The following FGD4 variants were observed in gnomAD, a reference collection of about 807,000 sequenced individuals.
FGD4 encodes FYVE, RhoGEF and PH domain-containing protein 4.
A neutral mutation model predicts 102.0 loss-of-function variants in FGD4; 42 were observed. That is an observed-to-expected ratio of 0.41 (90% CI 0.32 to 0.53). FGD4 has a LOEUF of 0.53. Among genes scored for constraint, FGD4 ranks in the 20% least tolerant of loss-of-function variants. FGD4 has a pLI of 0.21. For synonymous variants in FGD4, 380 were observed against 375.7 expected (o/e 1.01, Z -0.13); for missense variants, 902 against 1,078.2 (o/e 0.84, Z 2.29).
intron 1 of FGD4, among the ~76,000 whole-genome samples, chr12:32,484,212 T>A (rs528362546): frequency 7.2e-5 from 11 of 152,334 alleles, no homozygotes; most frequent in African/African-American, 2.4e-4. Context: ...TTTCTAAATG[T>A]CTTAAGACTT....
intron 1 of FGD4, 77 bp downstream of exon 1, chr12:32,400,036 G>C (rs1940582025): frequency 4.8e-5 from 67 of 1,398,546 alleles, no homozygotes; most frequent in Non-Finnish European, 6.2e-5. Flanking sequence ...GCGCCCTGCA[G>C]GTGCGCCCTC....
intron 1 of FGD4, among the ~76,000 whole-genome samples, chr12:32,525,775 C>T (rs567240680): frequency 1.1e-3 from 163 of 152,372 alleles, no homozygotes; most frequent in African/African-American, 2.5e-3. Flanking sequence ...GAGCAGCCAG[C>T]CAGCCCTGCT....
At chr12:32,407,684 A>G (rs1286545344) in intron 1 of FGD4, among the ~76,000 whole-genome samples, 1 of 152,042 alleles carries the variant, frequency 6.6e-6, no homozygotes, top group Non-Finnish European at 1.5e-5. Context: ...GGTCTTTCCT[A>G]CTTTGTTCTT....
intron 10 of FGD4, among the ~76,000 whole-genome samples, chr12:32,616,147 T>C (rs1645816402): frequency 6.6e-6 from 1 of 152,214 alleles, no homozygotes; most frequent in Non-Finnish European, 1.5e-5. Context: ...TCCTTTCTCC[T>C]CTTCCTCATT....
At chr12:32,441,457 G>T (rs567159474) in intron 1 of FGD4, among the ~76,000 whole-genome samples, 1 of 152,114 alleles carries the variant, frequency 6.6e-6, no homozygotes, top group East Asian at 1.9e-4. Context: ...CTAGGGCCTG[G>T]AACAGGGGCC....
chr12:32,633,157 C>A (rs1474141261), intron 14 of FGD4, among the ~76,000 whole-genome samples: 2 of 152,006 alleles, frequency 1.3e-5, no homozygotes, highest in Non-Finnish European at 2.9e-5. Flanking sequence ...TGACACAGGA[C>A]CAGTTGTATG....
intron 11 of FGD4, among the ~76,000 whole-genome samples, chr12:32,620,529 T>C (rs1443957192): frequency 2.2e-5 from 3 of 138,166 alleles, no homozygotes; most frequent in Non-Finnish European, 4.7e-5. Flanking sequence ...TCTTTTTTTT[T>C]TTTTTTTTTT....
chr12:32,546,460 T>A (rs563510279), intron 1 of FGD4, among the ~76,000 whole-genome samples: 19 of 152,370 alleles, frequency 1.2e-4, no homozygotes, highest in African/African-American at 4.6e-4. Flanking sequence ...AGCCCTGTTG[T>A]GACTCGTGGC....
intron 1 of FGD4, among the ~76,000 whole-genome samples, chr12:32,534,925 AT>A (rs1180245822): frequency 3.3e-5 from 5 of 152,234 alleles, no homozygotes; most frequent in Non-Finnish European, 7.3e-5. Flanking sequence ...ACAAACAAAA[AT>A]TCCCACCATC....
In FGD4 at chr12:32,534,418, A is replaced by G. The variant is rs17537634; in HGVS notation, c.167-29719A>G. 0.023 allele frequency: 34,278 copies of G among 1,518,204 alleles called. 641 individuals carry two copies. Among genetic ancestry groups the G allele is most frequent in the South Asian group, 0.073 (5,980 of 82,006 alleles). 94.0% of individuals were successfully genotyped at this position (1,518,204 alleles called of 1,614,324 possible). On this transcript the variant is annotated intron_variant, in intron 1 of 16. Coordinates refer to ENST00000534526, the MANE Select transcript of FGD4 (RefSeq NM_001370298.3). ...GTGAGATTTTATCACATGAACTTTA[A>G]AAGAGTAAAGCCAAATATCTTTTTA...
rs556021098 is a variant in FGD4 at position 32,545,314 on chromosome 12, T to G, written c.167-18823T>G. Among the ~76,000 whole-genome samples the G allele has an allele frequency of 1.1e-3, 162 of 152,298 alleles. 1 individual carries two copies. Among genetic ancestry groups the G allele is most frequent in the African/African-American group, 3.7e-3 (153 of 41,566 alleles). On this transcript the variant is annotated intron_variant, in intron 1 of 16. Coordinates refer to ENST00000534526, the MANE Select transcript of FGD4 (RefSeq NM_001370298.3). Reference sequence around the variant, plus strand: ...ACTGTGTATGGTGCTGCTAATGAGTTCACAGAAACCTAGAGGTTTTTACTT... The same window carrying G: ...ACTGTGTATGGTGCTGCTAATGAGTGCACAGAAACCTAGAGGTTTTTACTT...
chr12:32,515,477 A>G (rs892299195), intron 1 of FGD4, among the ~76,000 whole-genome samples: 2 of 152,250 alleles, frequency 1.3e-5, no homozygotes, highest in Admixed American at 1.3e-4. Flanking sequence ...CAGACTTCCT[A>G]AGGTGTTTGA....
intron 4 of FGD4, among the ~76,000 whole-genome samples, chr12:32,593,549 G>A (rs1017784186): frequency 6.6e-6 from 1 of 152,176 alleles, no homozygotes; most frequent in African/African-American, 2.4e-5. Context: ...ATCTGACCAG[G>A]ATATCCACAA....
At chr12:32,550,701 A>C (rs1229315104) in intron 1 of FGD4, among the ~76,000 whole-genome samples, 1 of 151,604 alleles carries the variant, frequency 6.6e-6, no homozygotes, top group Admixed American at 6.6e-5. Flanking sequence ...AGAAAGAGAC[A>C]AAAAGTTCAT....
chr12:32,505,730 C>G (rs549326064), intron 1 of FGD4, among the ~76,000 whole-genome samples: 3 of 152,152 alleles, frequency 2.0e-5, no homozygotes, highest in Non-Finnish European at 4.4e-5. Context: ...CGGCTCTGTA[C>G]GGCTAATTGT....
chr12:32,568,554 T>G (rs1945377896), intron 2 of FGD4, among the ~76,000 whole-genome samples: 1 of 152,250 alleles, frequency 6.6e-6, no homozygotes, highest in Admixed American at 6.5e-5. Flanking sequence ...CTTAACAGCT[T>G]CTATCCAGAA....
chr12:32,645,995 A>G lies in FGD4; in HGVS notation c.*5462A>G, dbSNP rs1422055078. 4 of 152,138 alleles carry G rather than the reference A, an allele frequency of 2.6e-5. No individual in the cohort carries two copies. Among genetic ancestry groups the G allele is most frequent in the Non-Finnish European group, 1.5e-5 (1 of 68,024 alleles). 9.4% of individuals were successfully genotyped at this position (152,138 alleles called of 1,614,324 possible). A position where few individuals can be genotyped will look rare whatever the true frequency, so the allele number is the denominator to read the frequency against. On this transcript the variant is annotated 3_prime_UTR_variant, in exon 17 of 17. Coordinates refer to ENST00000534526, the MANE Select transcript of FGD4 (RefSeq NM_001370298.3). ...AAACATTGTAAAATTAAGCACTTTA[A>G]TTCCTATTAAATATTAAACATTTGT...
At chr12:32,487,370 T>C (rs190470381) in intron 1 of FGD4, among the ~76,000 whole-genome samples, 2 of 152,360 alleles carry the variant, frequency 1.3e-5, no homozygotes, top group East Asian at 1.9e-4. Flanking sequence ...CTTTTACTTA[T>C]ATGTGACAGG....
chr12:32,576,064 G>A (rs910758842), intron 2 of FGD4, among the ~76,000 whole-genome samples: 1 of 152,122 alleles, frequency 6.6e-6, no homozygotes, highest in African/African-American at 2.4e-5. Flanking sequence ...ACTTAAGTTT[G>A]GAGATGGGAT....
Sources: gnomAD v4.1 joint callset for allele counts (sites outside exome capture counted in the v4.1 genomes callset) on GRCh38, gnomAD v4.1.1 for gene constraint, MANE v1.5 for transcripts, NCBI Gene and HGNC (gene_info 2026-07-23, HGNC 2026-07-21) for gene names.